GNG4: variants seen among roughly 807,000 people sequenced by gnomAD.
GNG4 encodes guanine nucleotide-binding protein G(I)/G(S)/G(O) subunit gamma-4.
Under a neutral mutation model 5.8 loss-of-function variants are expected in GNG4, and 4 were observed. The ratio of observed to expected loss-of-function variants is 0.69; its 90% CI spans 0.34 to 1.57. GNG4 has a LOEUF of 1.57. GNG4 is among the 40% of genes most tolerant of loss of function. GNG4 has a pLI of 0.06. For synonymous variants in GNG4, 29 were observed against 32.9 expected (o/e 0.88, Z 0.41); for missense variants, 96 against 95.1 (o/e 1.01, Z -0.04).
intron 1 of GNG4, among the ~76,000 whole-genome samples, chr1:235,599,525 C>A (rs994364706): frequency 2.6e-5 from 4 of 151,980 alleles, no homozygotes; most frequent in African/African-American, 9.7e-5. Flanking sequence ...CCATGTTGGC[C>A]AGGCTGATAA....
intron 1 of GNG4, among the ~76,000 whole-genome samples, 163 bp from the exon 2 acceptor site, chr1:235,595,674 G>A (rs187557584): frequency 4.1e-4 from 63 of 152,198 alleles, no homozygotes; most frequent in African/African-American, 1.4e-3. Context: ...TGGGGAGCTC[G>A]AGGCAGACAG....
At chr1:235,563,476 A>G (rs1219465387) in intron 3 of GNG4, among the ~76,000 whole-genome samples, 4 of 151,286 alleles carry the variant, frequency 2.6e-5, no homozygotes, top group East Asian at 1.9e-4. Flanking sequence ...ATGTTAATCA[A>G]TTTCAGAAAT....
intron 3 of GNG4, among the ~76,000 whole-genome samples, chr1:235,575,316 C>T (rs1322760988): frequency 6.6e-6 from 1 of 152,156 alleles, no homozygotes; most frequent in South Asian, 2.1e-4. Flanking sequence ...TTGAAAATGT[C>T]GTAAGTTGAA....
chr1:235,635,896 C>T (rs1371161336), intron 1 of GNG4, among the ~76,000 whole-genome samples: 1 of 152,206 alleles, frequency 6.6e-6, no homozygotes. Flanking sequence ...GGGTTGTGCA[C>T]CTGTATTCAG....
At chr1:235,569,313 C>T (rs950446254) in intron 3 of GNG4, among the ~76,000 whole-genome samples, 9 of 151,890 alleles carry the variant, frequency 5.9e-5, no homozygotes, top group African/African-American at 7.3e-5. Flanking sequence ...AGTTAGAGAC[C>T]GCCTGGGCAA....
At chr1:235,614,091 G>A (rs1327757579) in intron 1 of GNG4, among the ~76,000 whole-genome samples, 5 of 152,190 alleles carry the variant, frequency 3.3e-5, no homozygotes, top group South Asian at 2.1e-4. Context: ...GGAATTACAG[G>A]CGTGAGCCGC....
intron 1 of GNG4, among the ~76,000 whole-genome samples, chr1:235,624,259 C>G (rs1277546905): frequency 6.6e-6 from 1 of 151,816 alleles, no homozygotes; most frequent in South Asian, 2.1e-4. Context: ...CGCACCACCA[C>G]GCCCGGCTAA....
chr1:235,611,806 G>A (rs1004953948), intron 1 of GNG4, among the ~76,000 whole-genome samples: 1 of 152,140 alleles, frequency 6.6e-6, no homozygotes, highest in Non-Finnish European at 1.5e-5. Flanking sequence ...GCTCTTGCCT[G>A]TAATCCCAGT....
rs1335962491 is a variant in GNG4 at position 235,644,046 on chromosome 1, C to T, written c.-123+5616G>A. On this transcript the variant is annotated intron_variant, in intron 1 of 3. Coordinates refer to ENST00000391854, the MANE Select transcript of GNG4 (RefSeq NM_001098722.2). The surrounding 1 kb of genome is among the most constrained non-coding windows in gnomAD (Gnocchi z 5.9). ...TGCCCGAGAGAGTCCCCAAAAGGCA[C>T]AATTCTACAAGGTCAACCAAGTGGA... 6.6e-6 allele frequency among the ~76,000 whole-genome samples: 1 copy of T among 152,182 alleles called. No individual in the cohort carries two copies. Among genetic ancestry groups the T allele is most frequent in the Non-Finnish European group, 1.5e-5 (1 of 68,040 alleles).
rs996217718 is a variant in GNG4, at chr1:235,549,625, C to T, written c.*2484G>A. The T allele has an allele frequency of 1.5e-5, 2 of 133,432 alleles. No homozygotes were observed. Among genetic ancestry groups the T allele is most frequent in the African/African-American group, 5.1e-5 (2 of 38,868 alleles). 8.3% of individuals were successfully genotyped at this position (133,432 alleles called of 1,614,324 possible). On this transcript the variant is annotated 3_prime_UTR_variant, in exon 4 of 4. Coordinates refer to ENST00000391854, the MANE Select transcript of GNG4 (RefSeq NM_001098722.2). ...AGGTCCTAGCGTCACATCCAGCATA[C>T]AATTCTGCTCTAGTTTGAGCATCTT...
intron 2 of GNG4, among the ~76,000 whole-genome samples, chr1:235,591,458 G>C (rs1687961363): frequency 6.6e-6 from 1 of 152,220 alleles, no homozygotes; most frequent in African/African-American, 2.4e-5. Context: ...TTTGAAGATA[G>C]AGCCCTATAA....
chr1:235,586,962 C>T (rs1472511027), intron 2 of GNG4, among the ~76,000 whole-genome samples: 1 of 152,184 alleles, frequency 6.6e-6, no homozygotes, highest in Non-Finnish European at 1.5e-5. Flanking sequence ...ATTCTAGACT[C>T]CATCCCTCTC....
rs942040884 is a variant in GNG4 at position 235,551,491 on chromosome 1, T to A, written c.*618A>T. On this transcript the variant is annotated 3_prime_UTR_variant, in exon 4 of 4. Coordinates refer to ENST00000391854, the MANE Select transcript of GNG4 (RefSeq NM_001098722.2). ...CCAGGAGGTGGAGGTCGCAGTGAGC[T>A]GAGGTCACGCCATTGCACTCCAGCC... is the stretch of plus-strand genomic sequence containing the variant. 2 of 152,446 alleles carry A rather than the reference T, an allele frequency of 1.3e-5. No individual in the cohort carries two copies. The highest frequency in any genetic ancestry group is 4.8e-5 in the African/African-American group (2 of 41,424). 9.4% of individuals were successfully genotyped at this position (152,446 alleles called of 1,614,324 possible). A position where few individuals can be genotyped will look rare whatever the true frequency, so the allele number is the denominator to read the frequency against.
At chr1:235,589,242 A>G (rs1687901908) in intron 2 of GNG4, among the ~76,000 whole-genome samples, 1 of 152,188 alleles carries the variant, frequency 6.6e-6, no homozygotes, top group South Asian at 2.1e-4. Context: ...GCTGGCGCCC[A>G]GAGAAAGAGC....
intron 1 of GNG4, among the ~76,000 whole-genome samples, chr1:235,645,679 C>T (rs1208583297): frequency 1.3e-5 from 2 of 151,890 alleles, no homozygotes; most frequent in African/African-American, 4.8e-5. Flanking sequence ...TGCCTGTAAT[C>T]CCAGCTACTT....
At chr1:235,612,460 G>C (rs950647341) in intron 1 of GNG4, among the ~76,000 whole-genome samples, 1 of 152,156 alleles carries the variant, frequency 6.6e-6, no homozygotes, top group South Asian at 2.1e-4. Context: ...GCAGTATCTC[G>C]GGGACGTGAC....
chr1:235,583,690 T>C (rs373719745), intron 3 of GNG4, 50 bp downstream of exon 3: 5 of 1,227,532 alleles, frequency 4.1e-6, no homozygotes, highest in Non-Finnish European at 6.0e-6. Context: ...AGGAGGAATG[T>C]TTTGAGCTGA....
chr1:235,612,463 G>A (rs1311465557), intron 1 of GNG4, among the ~76,000 whole-genome samples: 1 of 152,192 alleles, frequency 6.6e-6, no homozygotes, highest in Non-Finnish European at 1.5e-5. Flanking sequence ...GTATCTCGGG[G>A]ACGTGACTTT....
At chr1:235,583,924 C>G (rs1206811123) in intron 2 of GNG4, 76 bp from the exon 3 acceptor site, 3 of 826,556 alleles carry the variant, frequency 3.6e-6, no homozygotes, top group Non-Finnish European at 6.0e-6. Context: ...CCACCACCTA[C>G]AGCTTCTCTG....
Sources: gnomAD v4.1 joint callset for allele counts (sites outside exome capture counted in the v4.1 genomes callset) on GRCh38, gnomAD v4.1.1 for gene constraint, Gnocchi (gnomAD v3.1) non-coding constraint, MANE v1.5 for transcripts, NCBI Gene and HGNC (gene_info 2026-07-23, HGNC 2026-07-21) for gene names.